Variants in CCDC91 observed in about 807,000 individuals in gnomAD.
The protein encoded by CCDC91 is coiled-coil domain-containing protein 91.
CCDC91 carries 48 observed loss-of-function variants against 63.2 expected under a neutral mutation model. The observed-to-expected ratio is 0.76, with a 90% confidence interval of 0.60 to 0.97. The LOEUF (loss-of-function observed/expected upper bound fraction) is 0.97, where lower values mean the gene tolerates loss of function less well. CCDC91 is among the 50% of genes least tolerant of loss of function. CCDC91 has a pLI of 0.00. For synonymous variants in CCDC91, 167 were observed against 165.8 expected (o/e 1.01, Z -0.06); for missense variants, 500 against 494.6 (o/e 1.01, Z -0.10).
chr12:28,443,751 AT>A (rs1223188502), intron 8 of CCDC91, among the ~76,000 whole-genome samples: 1 of 152,198 alleles, frequency 6.6e-6, no homozygotes, highest in Non-Finnish European at 1.5e-5. Context: ...ATGACAGAAC[AT>A]TTTTTAAAAA....
chr12:28,351,780 T>G (rs2138268505), intron 6 of CCDC91, among the ~76,000 whole-genome samples: 1 of 152,316 alleles, frequency 6.6e-6, no homozygotes, highest in African/African-American at 2.4e-5. Context: ...ATTCTTCATT[T>G]CATTTATTTT....
chr12:28,267,867 AT>A (rs1410760577), intron 3 of CCDC91, among the ~76,000 whole-genome samples: 5 of 34,182 alleles, frequency 1.5e-4, no homozygotes, highest in African/African-American at 1.6e-4. Flanking sequence ...ATATAATTAT[AT>A]ATAATTATAT....
At chr12:28,538,798 TC>T (rs1942397595) in intron 12 of CCDC91, among the ~76,000 whole-genome samples, 2 of 152,158 alleles carry the variant, frequency 1.3e-5, no homozygotes, top group African/African-American at 4.8e-5. Context: ...TGATTGCCAT[TC>T]TAACTGGTGT....
intron 3 of CCDC91, among the ~76,000 whole-genome samples, chr12:28,275,797 G>A (rs1332507424): frequency 2.0e-5 from 3 of 152,054 alleles, no homozygotes; most frequent in East Asian, 1.9e-4. Flanking sequence ...TTCATCCCTG[G>A]GATGCAAGGC....
At chr12:28,450,898 G>A (rs1327122253) in intron 10 of CCDC91, among the ~76,000 whole-genome samples, 1 of 151,616 alleles carries the variant, frequency 6.6e-6, no homozygotes, top group African/African-American at 2.4e-5. Flanking sequence ...TCATATCTGT[G>A]TATCACTATG....
chr12:28,342,160 C>G (rs1942473020), intron 6 of CCDC91, among the ~76,000 whole-genome samples: 2 of 152,110 alleles, frequency 1.3e-5, no homozygotes, highest in South Asian at 2.1e-4. Context: ...TTCTGAGATG[C>G]AGAAACTGTG....
chr12:28,527,271 C>G (rs1307549679), intron 12 of CCDC91, among the ~76,000 whole-genome samples: 1 of 152,140 alleles, frequency 6.6e-6, no homozygotes, highest in Admixed American at 6.6e-5. Flanking sequence ...GGCTCTTGTT[C>G]AGATTATTTT....
At chr12:28,293,252 A>C (rs1949354804) in intron 3 of CCDC91, among the ~76,000 whole-genome samples, 1 of 152,222 alleles carries the variant, frequency 6.6e-6, no homozygotes, top group Non-Finnish European at 1.5e-5. Context: ...AGAGAACTGA[A>C]AATAATCTTC....
chr12:28,357,684 C>T (rs1391803530), intron 6 of CCDC91, among the ~76,000 whole-genome samples: 1 of 152,066 alleles, frequency 6.6e-6, no homozygotes, highest in Non-Finnish European at 1.5e-5. Flanking sequence ...CAATACCTGG[C>T]ACACAATCAT....
At chr12:28,272,640 G>T (rs558136608) in intron 3 of CCDC91, among the ~76,000 whole-genome samples, 26 of 151,636 alleles carry the variant, frequency 1.7e-4, no homozygotes, top group African/African-American at 6.3e-4. Context: ...GCTATTTGAT[G>T]CCGTAATGCT....
intron 8 of CCDC91, among the ~76,000 whole-genome samples, chr12:28,448,177 C>G (rs1592704349): frequency 6.6e-6 from 1 of 152,038 alleles, no homozygotes; most frequent in Non-Finnish European, 1.5e-5. Flanking sequence ...GACCTAGTAA[C>G]TTACCTAGCC....
At chr12:28,307,529 C>G in intron 5 of CCDC91, 116 bp from the exon 6 acceptor site, 1 of 571,008 alleles carries the variant, frequency 1.8e-6, no homozygotes, top group East Asian at 3.2e-5. Flanking sequence ...GATTTTAAGC[C>G]GTACTTCCCA....
intron 12 of CCDC91, among the ~76,000 whole-genome samples, chr12:28,524,083 A>T (rs71452090): frequency 6.6e-6 from 1 of 152,094 alleles, no homozygotes; most frequent in African/African-American, 2.4e-5. Context: ...AGGGAAGCCC[A>T]TCAGACTAAC....
intron 12 of CCDC91, among the ~76,000 whole-genome samples, chr12:28,520,288 T>C (rs1457098580): frequency 2.0e-5 from 3 of 152,176 alleles, no homozygotes; most frequent in Non-Finnish European, 4.4e-5. Context: ...TGGTGTCTCA[T>C]TGTGGTTTTG....
intron 6 of CCDC91, among the ~76,000 whole-genome samples, chr12:28,358,832 A>G (rs1415121783): frequency 6.6e-6 from 1 of 152,230 alleles, no homozygotes. Flanking sequence ...ATAGCCTTTG[A>G]AGCACAGCAG....
intron 6 of CCDC91, among the ~76,000 whole-genome samples, chr12:28,338,352 G>T (rs566048599): frequency 2.5e-4 from 37 of 150,156 alleles, no homozygotes; most frequent in African/African-American, 8.1e-4. Context: ...AAGTTCTAGG[G>T]TACATGTGCA....
intron 7 of CCDC91, among the ~76,000 whole-genome samples, chr12:28,370,342 A>G (rs1944537246): frequency 6.6e-6 from 1 of 152,202 alleles, no homozygotes; most frequent in South Asian, 2.1e-4. Context: ...ACAATTCTCT[A>G]GGGCAGGGGC....
chr12:28,253,060 C>G (rs550160304), intron 1 of CCDC91, among the ~76,000 whole-genome samples: 1 of 152,298 alleles, frequency 6.6e-6, no homozygotes, highest in South Asian at 2.1e-4. Context: ...ACTCTATAGT[C>G]CCTTCTTTTA....
intron 8 of CCDC91, among the ~76,000 whole-genome samples, chr12:28,408,697 C>A (rs532476365): frequency 6.6e-6 from 1 of 152,066 alleles, no homozygotes; most frequent in South Asian, 2.1e-4. Context: ...GGCTGGAGTG[C>A]AGTGGCATGA....
Sources: allele counts gnomAD v4.1 joint callset (sites outside exome capture counted in the v4.1 genomes callset), GRCh38; gene constraint gnomAD v4.1.1; transcripts MANE v1.5; gene names NCBI Gene and HGNC (gene_info 2026-07-23, HGNC 2026-07-21).